Variants in GOLM2 observed in about 807,000 individuals in gnomAD.
GOLM2 encodes golgi membrane protein 2.
A neutral mutation model predicts 55.9 loss-of-function variants in GOLM2; 26 were observed. The observed-to-expected ratio is 0.47, with a 90% CI of 0.34 to 0.65. The LOEUF is 0.65. Ranked by LOEUF, GOLM2 falls within the 30% of genes least tolerant of loss-of-function variation. GOLM2 has a pLI of 0.01. For synonymous variants in GOLM2, 165 were observed against 194.6 expected (o/e 0.85, Z 1.27); for missense variants, 486 against 531.8 (o/e 0.91, Z 0.85).
chr15:44,409,880 C>T (rs1486721076), intron 9 of GOLM2: 1 of 150,194 alleles, frequency 6.7e-6, no homozygotes, highest in Non-Finnish European at 1.5e-5. Context: ...CGTGCCACTG[C>T]ACTCCAGCCT....
intron 4 of GOLM2, among the ~76,000 whole-genome samples, chr15:44,333,483 C>T (rs898664581): frequency 6.6e-6 from 1 of 152,144 alleles, no homozygotes; most frequent in Non-Finnish European, 1.5e-5. Flanking sequence ...GGAATACCTG[C>T]TGCCTATCTG....
chr15:44,403,151 G>A (rs1032332012), intron 9 of GOLM2, 97 bp downstream of exon 9: 2 of 1,395,518 alleles, frequency 1.4e-6, no homozygotes, highest in African/African-American at 1.4e-5. Context: ...ATTAGTGGCA[G>A]TGTAACCTAA....
Position 44,357,024 on chromosome 15 carries a change from T to C in GOLM2, c.802+18707T>C, listed in dbSNP as rs776655914. On this transcript the variant is annotated intron_variant, in intron 6 of 9. Coordinates refer to ENST00000299957, the MANE Select transcript of GOLM2 (RefSeq NM_138423.4). ...CATCTCTATAAAAAAATACAAAAAC[T>C]AGCCAGGTGTGGTGGCACACCCCTG... is the stretch of plus-strand genomic sequence containing the variant. Among the ~76,000 whole-genome samples the C allele has an allele frequency of 3.6e-4, 55 of 151,744 alleles. 1 individual carries two copies. Among genetic ancestry groups the C allele is most frequent in the Admixed American group, 2.6e-3 (40 of 15,204 alleles).
intron 2 of GOLM2, among the ~76,000 whole-genome samples, chr15:44,325,904 C>T (rs1213093216): frequency 1.3e-5 from 2 of 152,136 alleles, no homozygotes; most frequent in African/African-American, 4.8e-5. Flanking sequence ...ACCACAGATC[C>T]ATCACTTTTA....
Position 44,413,487 on chromosome 15 carries a change from A to T in GOLM2, c.*81A>T. 1.9e-6 allele frequency: 2 copies of T among 1,037,198 alleles called. No homozygotes were observed. The highest frequency in any genetic ancestry group is 4.8e-5 in the East Asian group (2 of 41,738). 64.2% of individuals were successfully genotyped at this position (1,037,198 alleles called of 1,614,324 possible). A position where few individuals can be genotyped will look rare whatever the true frequency, so the allele number is the denominator to read the frequency against. On this transcript the variant is annotated 3_prime_UTR_variant, in exon 10 of 10. Transcript: ENST00000299957. ...TTTGTCCTTTCTGACTTTTGTTGTA[A>T]AGACGAATTGTATCAGTTGTAAAGA... is the stretch of plus-strand genomic sequence containing the variant.
intron 7 of GOLM2, 54 bp downstream of exon 7, chr15:44,379,842 C>A: frequency 2.0e-6 from 2 of 990,638 alleles, no homozygotes; most frequent in Non-Finnish European, 3.3e-6. Flanking sequence ...TAGTCATGTA[C>A]AGTTATATAG....
intron 6 of GOLM2, among the ~76,000 whole-genome samples, chr15:44,361,891 A>G (rs941794533): frequency 2.1e-4 from 32 of 152,052 alleles, no homozygotes; most frequent in Admixed American, 1.0e-3. Flanking sequence ...GGTTCAATAT[A>G]CGCAAATCAA....
intron 8 of GOLM2, among the ~76,000 whole-genome samples, chr15:44,383,390 G>T (rs2079417963): frequency 6.6e-6 from 1 of 151,904 alleles, no homozygotes; most frequent in South Asian, 2.1e-4. Flanking sequence ...GTGTCAGATT[G>T]TTCTCTAGAA....
intron 1 of GOLM2, among the ~76,000 whole-genome samples, chr15:44,294,902 A>G (rs1353074244): frequency 1.3e-5 from 2 of 151,876 alleles, no homozygotes; most frequent in Non-Finnish European, 2.9e-5. Context: ...TCACAAAAAA[A>G]AAAAAAGAAA....
chr15:44,384,746 C>CAA (rs879330903), intron 8 of GOLM2, among the ~76,000 whole-genome samples: 1 of 103,812 alleles, frequency 9.6e-6, no homozygotes, highest in South Asian at 3.0e-4. Context: ...GACTCCATCT[C>CAA]AAAAAAAAAA....
At chr15:44,395,723 C>T (rs1161174523) in intron 8 of GOLM2, among the ~76,000 whole-genome samples, 2 of 151,616 alleles carry the variant, frequency 1.3e-5, no homozygotes, top group African/African-American at 4.8e-5. Context: ...GCCTGTAGTC[C>T]CACCTACTCA....
At chr15:44,392,041 G>A (rs2079494001) in intron 8 of GOLM2, among the ~76,000 whole-genome samples, 1 of 151,758 alleles carries the variant, frequency 6.6e-6, no homozygotes, top group Admixed American at 6.6e-5. Flanking sequence ...GTAGAGACAG[G>A]GTTTCTCCAT....
chr15:44,415,477 C>T lies in GOLM2; in HGVS notation c.*2071C>T, dbSNP rs576907314. Reference sequence around the variant, plus strand: ...TATTACTTATACAGCAACATTTCTTCAATTAGCAGTCTAGACATTTTATAA... The same window carrying T: ...TATTACTTATACAGCAACATTTCTTTAATTAGCAGTCTAGACATTTTATAA... On this transcript the variant is annotated 3_prime_UTR_variant, in exon 10 of 10. Coordinates refer to ENST00000299957, the MANE Select transcript of GOLM2 (RefSeq NM_138423.4). 2.0e-5 allele frequency: 3 copies of T among 152,688 alleles called. 1 individual carries two copies. The South Asian group carries it at 6.2e-4, about 32-fold the overall frequency. 9.5% of individuals were successfully genotyped at this position (152,688 alleles called of 1,614,324 possible).
At position 44,348,281 on chromosome 15, in the gene GOLM2, A is replaced by G. The variant is rs1382918128; in HGVS notation, c.802+9964A>G. ...TTCCAGGCCTTAGCTCCTGGATGGT[A>G]GTTCTGGACCTACACTATGCTAGAA... is the stretch of plus-strand genomic sequence containing the variant. On this transcript the variant is annotated intron_variant, in intron 6 of 9. Coordinates refer to ENST00000299957, the MANE Select transcript of GOLM2 (RefSeq NM_138423.4). Among the ~76,000 whole-genome samples the G allele has an allele frequency of 2.0e-5, 3 of 151,628 alleles. No homozygotes were observed. In the East Asian group the frequency reaches 5.9e-4, roughly 30 times the overall value.
Position 44,414,999 on chromosome 15 carries a change from C to A in GOLM2, c.*1593C>A, listed in dbSNP as rs1222315058. On this transcript the variant is annotated 3_prime_UTR_variant, in exon 10 of 10. Coordinates refer to ENST00000299957, the MANE Select transcript of GOLM2 (RefSeq NM_138423.4). ...TTGTTAACCCTGTTTTTCAGAAGGG[C>A]TACTGTTAATTGCACATAAACATGA... 3 of 152,610 alleles carry A rather than the reference C, an allele frequency of 2.0e-5. No homozygotes were observed. The highest frequency in any genetic ancestry group is 4.4e-5 in the Non-Finnish European group (3 of 68,040). 9.5% of individuals were successfully genotyped at this position (152,610 alleles called of 1,614,324 possible). A position where few individuals can be genotyped will look rare whatever the true frequency, so the allele number is the denominator to read the frequency against.
chr15:44,411,507 T>C (rs2141222279), intron 9 of GOLM2, among the ~76,000 whole-genome samples: 1 of 152,236 alleles, frequency 6.6e-6, no homozygotes, highest in East Asian at 1.9e-4. Flanking sequence ...AGAAAAGTGA[T>C]TTTTTAAGTC....
At chr15:44,304,398 C>T (rs1316296678) in intron 1 of GOLM2, among the ~76,000 whole-genome samples, 3 of 150,658 alleles carry the variant, frequency 2.0e-5, no homozygotes, top group Non-Finnish European at 3.0e-5. Flanking sequence ...CCCACCACCA[C>T]ACCTGGCTAA....
At position 44,289,119 on chromosome 15, in the gene GOLM2, C is replaced by A. The variant is rs774451673; in HGVS notation, c.90C>A (p.Phe30Leu). ...VLLVVIVVLAFNYWSISSRHV... is the reference protein window; with the variant it reads ...VLLVVIVVLALNYWSISSRHV... ...TGGTGGTGATCGTCGTCCTCGCCTTCAACTACTGGAGCATCTCCTCCCGCC... is the reference window on the plus strand; with the variant it reads ...TGGTGGTGATCGTCGTCCTCGCCTTAAACTACTGGAGCATCTCCTCCCGCC... Residue 30 changes from phenylalanine (F) to leucine (L), a missense_variant, in exon 1 of 10, where the codon TTC becomes TTA. Coordinates refer to ENST00000299957, the MANE Select transcript of GOLM2 (RefSeq NM_138423.4). This position sits in a 1 kb window ranked among gnomAD's most constrained non-coding sequence, Gnocchi z 4.8. 1 of 1,614,184 alleles carries A rather than the reference C, an allele frequency of 6.2e-7. No individual in the cohort carries two copies. Among genetic ancestry groups the A allele is most frequent in the East Asian group, 2.2e-5 (1 of 44,882 alleles).
chr15:44,301,547 G>A (rs2078797521), intron 1 of GOLM2, among the ~76,000 whole-genome samples: 1 of 152,084 alleles, frequency 6.6e-6, no homozygotes, highest in Non-Finnish European at 1.5e-5. Context: ...ACTTACCCTT[G>A]AGCAGGGGCT....
Sources: gnomAD v4.1 joint callset for allele counts (sites outside exome capture counted in the v4.1 genomes callset) on GRCh38, gnomAD v4.1.1 for gene constraint, Gnocchi (gnomAD v3.1) non-coding constraint, MANE v1.5 for transcripts, NCBI Gene and HGNC (gene_info 2026-07-23, HGNC 2026-07-21) for gene names.